TENM3: variants seen among roughly 807,000 people sequenced by gnomAD.
The protein encoded by TENM3 is teneurin transmembrane protein 3, also known as teneurin-3.
A neutral mutation model predicts 255.1 loss-of-function variants in TENM3; 63 were observed. The observed-to-expected ratio is 0.25, with a 90% CI of 0.20 to 0.30. TENM3 has a LOEUF of 0.30. Among genes scored for constraint, TENM3 ranks in the 10% least tolerant of loss-of-function variants. The pLI is 1.00. For missense variants in TENM3, 2,929 were observed against 3,461.1 expected, an observed-to-expected ratio of 0.85 and a Z score of 3.86; for synonymous variants, 1,306 against 1,322.3, an observed-to-expected ratio of 0.99 and a Z score of 0.27.
the TENM3 span, among the ~76,000 whole-genome samples, chr4:181,877,607 C>T: frequency 3.2e-4 from 49 of 152,104 alleles, no homozygotes; most frequent in Admixed American, 1.3e-3. Flanking sequence ...CAAGGCATAG[C>T]AGCTCCATGA....
chr4:182,072,476 T>C, the TENM3 span, among the ~76,000 whole-genome samples: 128 of 152,306 alleles, frequency 8.4e-4, no homozygotes, highest in Non-Finnish European at 1.0e-3. Context: ...CTCTATCCAA[T>C]CAATTTTGCT....
At chr4:181,502,252 A>G in the TENM3 span, among the ~76,000 whole-genome samples, 5 of 152,224 alleles carry the variant, frequency 3.3e-5, no homozygotes, top group Non-Finnish European at 7.3e-5. Context: ...AACCCAATGT[A>G]AACTATGGAC....
intron 1 of TENM3, among the ~76,000 whole-genome samples, chr4:182,322,263 A>C (rs6815963): frequency 0.14 from 21,962 of 152,248 alleles, 1,894 homozygotes; most frequent in Middle Eastern, 0.21. Context: ...ATATTCCAAG[A>C]CTAAACTAAA....
At chr4:182,473,660 G>T (rs1328877678) in intron 3 of TENM3, among the ~76,000 whole-genome samples, 1 of 151,886 alleles carries the variant, frequency 6.6e-6, no homozygotes, top group Non-Finnish European at 1.5e-5. Flanking sequence ...GCGACAGAGC[G>T]AGACTTCATC....
chr4:181,750,506 A>G, the TENM3 span, among the ~76,000 whole-genome samples: 31 of 152,246 alleles, frequency 2.0e-4, no homozygotes, highest in East Asian at 3.9e-3. Context: ...AGTGGATCCA[A>G]TTACTCCTTT....
chr4:181,525,660 G>A, the TENM3 span, among the ~76,000 whole-genome samples: 1 of 151,796 alleles, frequency 6.6e-6, no homozygotes, highest in African/African-American at 2.4e-5. Context: ...TTTTGTTTTT[G>A]TATAACTAGA....
the TENM3 span, among the ~76,000 whole-genome samples, chr4:181,939,925 G>C: frequency 1.3e-5 from 2 of 152,144 alleles, no homozygotes; most frequent in Admixed American, 1.3e-4. Context: ...CTTTTGCCCT[G>C]GTCTCCATAA....
At chr4:182,468,805 TA>T (rs886986406) in intron 3 of TENM3, among the ~76,000 whole-genome samples, 3 of 147,254 alleles carry the variant, frequency 2.0e-5, no homozygotes, top group African/African-American at 7.5e-5. Context: ...AAATTGAAAA[TA>T]AAAAAAATCC....
chr4:181,662,366 T>C, the TENM3 span, among the ~76,000 whole-genome samples: 3 of 152,228 alleles, frequency 2.0e-5, no homozygotes, highest in Non-Finnish European at 2.9e-5. Context: ...GCCAAAATCC[T>C]TGGGCCTTCC....
intron 1 of TENM3, among the ~76,000 whole-genome samples, chr4:182,255,481 A>G (rs2150135238): frequency 6.6e-6 from 1 of 152,266 alleles, no homozygotes; most frequent in South Asian, 2.1e-4. Flanking sequence ...CTTACAGAGG[A>G]TTATGGTATA....
intron 1 of TENM3, among the ~76,000 whole-genome samples, chr4:182,264,546 C>T (rs770732954): frequency 3.3e-5 from 5 of 152,216 alleles, no homozygotes; most frequent in Non-Finnish European, 5.9e-5. Context: ...GGAAAAAAGA[C>T]AGAGACTGTC....
intron 13 of TENM3, among the ~76,000 whole-genome samples, chr4:182,721,640 A>G (rs1465109805): frequency 6.6e-6 from 1 of 152,112 alleles, no homozygotes. Context: ...TTCAAAAGGT[A>G]TTTTAATTTT....
Position 182,232,248 on chromosome 4 carries a change from C to T in TENM3, c.-76+87494C>T, listed in dbSNP as rs536065553. ...TAACTCTCACTTCTCACTTGGCCAC[C>T]GTGTTGGTCCTGGAAAGAATCCTCT... On this transcript the variant is annotated intron_variant, in intron 1 of 2. Coordinates refer to the TENM3 transcript ENST00000512480. Among the ~76,000 whole-genome samples the T allele has an allele frequency of 2.0e-5, 3 of 152,264 alleles. No homozygotes were observed. In the South Asian group the frequency reaches 6.2e-4, roughly 32 times the overall value.
At chr4:181,452,901 T>C in the TENM3 span, among the ~76,000 whole-genome samples, 1 of 152,050 alleles carries the variant, frequency 6.6e-6, no homozygotes, top group African/African-American at 2.4e-5. Flanking sequence ...TTGAGAACAA[T>C]GGGAAAATAT....
chr4:181,645,871 T>G, the TENM3 span, among the ~76,000 whole-genome samples: 1 of 152,202 alleles, frequency 6.6e-6, no homozygotes. Flanking sequence ...TAAAGTGATC[T>G]CCCATCTAGC....
chr4:181,942,981 T>C, the TENM3 span, among the ~76,000 whole-genome samples: 3 of 152,202 alleles, frequency 2.0e-5, no homozygotes, highest in Non-Finnish European at 4.4e-5. Flanking sequence ...TTCTAGAAAT[T>C]ATAAAGACAA....
intron 19 of TENM3, among the ~76,000 whole-genome samples, chr4:182,744,554 C>G (rs1339988638): frequency 6.6e-6 from 1 of 152,102 alleles, no homozygotes; most frequent in Admixed American, 6.6e-5. Flanking sequence ...AAACCCCTGA[C>G]AGGTTGGGTT....
chr4:181,699,795 G>GACAA, the TENM3 span, among the ~76,000 whole-genome samples: 2 of 152,188 alleles, frequency 1.3e-5, no homozygotes, highest in Admixed American at 6.5e-5. Flanking sequence ...TGCCCTGTGA[G>GACAA]ACAATTAGCA....
the TENM3 span, among the ~76,000 whole-genome samples, chr4:181,598,840 G>A: frequency 1.3e-5 from 2 of 152,086 alleles, no homozygotes; most frequent in Non-Finnish European, 2.9e-5. Flanking sequence ...CAAGTATTAT[G>A]AAAATAAGAG....
Sources: allele counts gnomAD v4.1 joint callset (sites outside exome capture counted in the v4.1 genomes callset), GRCh38; gene constraint gnomAD v4.1.1; transcripts MANE v1.5; gene names NCBI Gene and HGNC (gene_info 2026-07-23, HGNC 2026-07-21).